DHRS12: variants seen among roughly 807,000 people sequenced by gnomAD.
DHRS12 encodes dehydrogenase/reductase 12, also known as dehydrogenase/reductase SDR family member 12.
Under a neutral mutation model 32.1 loss-of-function variants are expected in DHRS12, and 29 were observed. That is an observed-to-expected ratio of 0.90 (90% CI 0.67 to 1.23). The LOEUF (loss-of-function observed/expected upper bound fraction) is 1.23. Among genes scored for constraint, DHRS12 ranks in the 50% most tolerant of loss-of-function variants. The pLI is 0.00. For missense variants in DHRS12, 330 were observed against 337.2 expected, an observed-to-expected ratio of 0.98 and a Z score of 0.17; for synonymous variants, 150 against 135.9, an observed-to-expected ratio of 1.10 and a Z score of -0.72.
intron 2 of DHRS12, among the ~76,000 whole-genome samples, chr13:51,795,604 T>C (rs1754588463): frequency 1.3e-5 from 2 of 152,044 alleles, no homozygotes; most frequent in African/African-American, 4.8e-5. Flanking sequence ...CCAGGATTGG[T>C]GAAGTAACCC....
At chr13:51,802,551 G>C (rs1955809759) in intron 1 of DHRS12, among the ~76,000 whole-genome samples, 1 of 152,170 alleles carries the variant, frequency 6.6e-6, no homozygotes, top group African/African-American at 2.4e-5. Context: ...ACTTGCCCAG[G>C]GTTTAGGAGT....
At chr13:51,766,450 A>G (rs1717365673), downstream of DHRS12, 1 of 151,948 alleles carries the variant, frequency 6.6e-6, no homozygotes. Context: ...AAGTGAGGAG[A>G]TTCTTCAGGG....
intron 1 of DHRS12, among the ~76,000 whole-genome samples, chr13:51,802,198 C>T (rs1476642301): frequency 1.4e-5 from 2 of 143,012 alleles, no homozygotes; most frequent in East Asian, 4.5e-4. Flanking sequence ...CACACACACA[C>T]ACACACACAC....
In DHRS12 at chr13:51,774,050, C is replaced by G. The variant is rs1566278355; in HGVS notation, c.364-16G>C. On this transcript the variant is annotated splice_polypyrimidine_tract_variant and intron_variant, in intron 5 of 8. Coordinates refer to ENST00000444610, the MANE Select transcript of DHRS12 (RefSeq NM_001377533.1). ...AGACGGTTATCTGCAATAAAGGTAACAGAGATTTACAAACTAAAGCCTGTG... is the reference window on the plus strand; with the variant it reads ...AGACGGTTATCTGCAATAAAGGTAAGAGAGATTTACAAACTAAAGCCTGTG... 3 of 1,611,220 alleles carry G rather than the reference C, an allele frequency of 1.9e-6. No individual in the cohort carries two copies. The South Asian group carries it at 3.3e-5, about 18-fold the overall frequency.
the DHRS12 span, chr13:51,755,354 C>G: frequency 6.2e-7 from 1 of 1,614,042 alleles, no homozygotes; most frequent in African/African-American, 1.3e-5. Flanking sequence ...CTTTATTTGA[C>G]AAGACCCCTG....
In DHRS12 at chr13:51,768,076, C is replaced by G; in HGVS notation, c.*111G>C. Reference sequence around the variant, plus strand: ...CCCTTGTAGGCCTCGCTGTGAGGCACAACGTCTTCGAGGGGAAGTTGAAGT... The same window carrying G: ...CCCTTGTAGGCCTCGCTGTGAGGCAGAACGTCTTCGAGGGGAAGTTGAAGT... On this transcript the variant is annotated 3_prime_UTR_variant, in exon 9 of 9. Coordinates refer to ENST00000444610, the MANE Select transcript of DHRS12 (RefSeq NM_001377533.1). 1 of 1,485,046 alleles carries G rather than the reference C, an allele frequency of 6.7e-7. No homozygotes were observed. Among genetic ancestry groups the G allele is most frequent in the Non-Finnish European group, 8.9e-7 (1 of 1,122,078 alleles). 92.0% of individuals were successfully genotyped at this position (1,485,046 alleles called of 1,614,324 possible). A position where few individuals can be genotyped will look rare whatever the true frequency, so the allele number is the denominator to read the frequency against.
At chr13:51,802,364 G>A (rs1955801675) in intron 1 of DHRS12, among the ~76,000 whole-genome samples, 1 of 152,200 alleles carries the variant, frequency 6.6e-6, no homozygotes, top group African/African-American at 2.4e-5. Context: ...TGATTGCTTG[G>A]CAACCTGTGG....
chr13:51,798,804 T>C (rs1441029708), intron 2 of DHRS12, among the ~76,000 whole-genome samples: 1 of 152,234 alleles, frequency 6.6e-6, no homozygotes, highest in East Asian at 1.9e-4. Context: ...TGCTGGAACA[T>C]CCATTTTTCC....
At chr13:51,765,832 C>CCAT (rs1198222709), downstream of DHRS12, 22 of 152,118 alleles carry the variant, frequency 1.4e-4, no homozygotes, top group African/African-American at 4.8e-4. Flanking sequence ...AATCATGGTA[C>CCAT]CATCTCATTA....
chr13:51,792,000 C>G (rs527896238), intron 2 of DHRS12, among the ~76,000 whole-genome samples: 2 of 152,294 alleles, frequency 1.3e-5, no homozygotes, highest in South Asian at 4.2e-4. Flanking sequence ...ATTCTTCTGT[C>G]GATGGACATT....
chr13:51,789,980 A>G (rs771036691), intron 4 of DHRS12, 31 bp downstream of exon 4: 7 of 1,566,648 alleles, frequency 4.5e-6, no homozygotes, highest in Non-Finnish European at 8.6e-7. Flanking sequence ...TTATTTTGCT[A>G]AAAACAAATA....
At chr13:51,759,179 T>A in the DHRS12 span, among the ~76,000 whole-genome samples, 1 of 152,196 alleles carries the variant, frequency 6.6e-6, no homozygotes, top group Non-Finnish European at 1.5e-5. Context: ...AGACCCTGTC[T>A]CAAAATAATT....
chr13:51,770,646 G>T, intron 7 of DHRS12: 1 of 525,130 alleles, frequency 1.9e-6, no homozygotes. Context: ...AGGAGACTCA[G>T]ATCTGTACAG....
At chr13:51,768,739 G>C in intron 8 of DHRS12, 3 of 1,140,658 alleles carry the variant, frequency 2.6e-6, no homozygotes, top group Non-Finnish European at 2.2e-6. Context: ...ACTGGGGAGA[G>C]ACGTGAACAG....
Position 51,782,020 on chromosome 13 carries a change from CAG to C in DHRS12, c.302-4901_302-4900del, listed in dbSNP as rs1232390236. Among the ~76,000 whole-genome samples, 5 of 152,108 alleles carry C rather than the reference CAG, an allele frequency of 3.3e-5. No individual in the cohort carries two copies. The highest frequency in any genetic ancestry group is 4.1e-4 in the South Asian group (2 of 4,828). On this transcript the variant is annotated intron_variant, in intron 4 of 8. Coordinates refer to ENST00000444610, the MANE Select transcript of DHRS12 (RefSeq NM_001377533.1). This position sits in a 1 kb window ranked among gnomAD's most constrained non-coding sequence, Gnocchi z 4.2. Reference sequence around the variant, plus strand: ...GGAGACAGACTGGGGACACGTTGTGCAGAGAGTCCAAAGGCACGATCACTGCT... The same window carrying C: ...GGAGACAGACTGGGGACACGTTGTGCAGAGTCCAAAGGCACGATCACTGCT...
At chr13:51,772,657 T>C (rs1954085844) in intron 6 of DHRS12, 1 of 985,284 alleles carries the variant, frequency 1.0e-6, no homozygotes, top group South Asian at 4.7e-5. Context: ...AATACATCAG[T>C]TATAGACAAT....
chr13:51,797,835 G>C, intron 2 of DHRS12: 1 of 1,535,244 alleles, frequency 6.5e-7, no homozygotes, highest in Non-Finnish European at 8.7e-7. Flanking sequence ...CCTGGTTACC[G>C]CTCTCCCGGA....
downstream of DHRS12, chr13:51,767,486 G>A (rs1953786097): frequency 1.3e-5 from 2 of 152,214 alleles, no homozygotes; most frequent in Admixed American, 6.5e-5. Flanking sequence ...TATGGGGGAT[G>A]AGTTACGTTT....
chr13:51,787,763 TTATA>T (rs1456360932), intron 4 of DHRS12, among the ~76,000 whole-genome samples: 1 of 114,244 alleles, frequency 8.8e-6, no homozygotes, highest in African/African-American at 3.4e-5. Flanking sequence ...TTATATATAA[TTATA>T]TAAATTATAT....
Sources: allele counts gnomAD v4.1 joint callset (sites outside exome capture counted in the v4.1 genomes callset), GRCh38; gene constraint gnomAD v4.1.1; non-coding constraint Gnocchi (gnomAD v3.1); transcripts MANE v1.5; gene names NCBI Gene and HGNC (gene_info 2026-07-23, HGNC 2026-07-21).